SLC24A2: variants seen among roughly 807,000 people sequenced by gnomAD.
SLC24A2 encodes the protein solute carrier family 24 member 2, also known as sodium/potassium/calcium exchanger 2.
Under a neutral mutation model 62.0 loss-of-function variants are expected in SLC24A2, and 36 were observed. The observed-to-expected ratio is 0.58, with a 90% CI of 0.44 to 0.77. The LOEUF (loss-of-function observed/expected upper bound fraction) is 0.77. Ranked by LOEUF, SLC24A2 falls within the 30% of genes least tolerant of loss-of-function variation. SLC24A2 has a pLI of 0.00. For synonymous variants in SLC24A2, 358 were observed against 294.0 expected, an observed-to-expected ratio of 1.22 and a Z score of -2.23; for missense variants, 846 against 817.9, an observed-to-expected ratio of 1.03 and a Z score of -0.42.
chr9:20,280,602 G>A, the SLC24A2 span, among the ~76,000 whole-genome samples: 4 of 152,142 alleles, frequency 2.6e-5, no homozygotes, highest in Non-Finnish European at 2.9e-5. Context: ...TTATGGTTTC[G>A]TTTTTGTTTT....
At chr9:19,823,498 G>A in the SLC24A2 span, among the ~76,000 whole-genome samples, 2 of 152,058 alleles carry the variant, frequency 1.3e-5, no homozygotes, top group African/African-American at 2.4e-5. Flanking sequence ...GCATGGTGGT[G>A]CATGCCTGTA....
the SLC24A2 span, chr9:19,926,471 G>C: frequency 6.6e-6 from 1 of 152,182 alleles, no homozygotes; most frequent in Non-Finnish European, 1.5e-5. Flanking sequence ...GCTTCGCCCA[G>C]TTCTTTGCAA....
chr9:19,631,551 C>T (rs899931627), intron 2 of SLC24A2, among the ~76,000 whole-genome samples: 1 of 152,182 alleles, frequency 6.6e-6, no homozygotes, highest in East Asian at 1.9e-4. Context: ...TTACATATTA[C>T]ACATCTTTAT....
In SLC24A2 at chr9:19,764,320, C is replaced by A. The variant is rs11534168; in HGVS notation, c.930+21617G>T. On this transcript the variant is annotated intron_variant, in intron 2 of 10. Transcript: ENST00000341998. ...TTTTCTGTCTTTATCTTCTTCAGTT[C>A]TGCTCTGATCTTACTTCTACTGGCT... is the stretch of plus-strand genomic sequence containing the variant. Among the ~76,000 whole-genome samples the A allele has an allele frequency of 8.2e-3, 1,250 of 152,074 alleles. 23 individuals carry two copies. The highest frequency in any genetic ancestry group is 0.063 in the South Asian group (304 of 4,812).
At chr9:20,248,348 G>A in the SLC24A2 span, among the ~76,000 whole-genome samples, 1 of 152,316 alleles carries the variant, frequency 6.6e-6, no homozygotes, top group Admixed American at 6.5e-5. Context: ...TTTGGTTCGG[G>A]CTGCTATCAC....
At chr9:20,069,797 T>G in the SLC24A2 span, among the ~76,000 whole-genome samples, 1 of 152,236 alleles carries the variant, frequency 6.6e-6, no homozygotes, top group African/African-American at 2.4e-5. Flanking sequence ...TATTATTTTA[T>G]GTAACCAAAG....
rs558196459 is a variant in SLC24A2 at position 19,526,699 on chromosome 9, C to A, written c.1569+1350G>T. Among the ~76,000 whole-genome samples, 304 of 152,260 alleles carry A rather than the reference C, an allele frequency of 2.0e-3. 4 individuals are homozygous for A. Among genetic ancestry groups the A allele is most frequent in the South Asian group, 1.2e-3 (6 of 4,830 alleles). On this transcript the variant is annotated intron_variant, in intron 9 of 10. Transcript: ENST00000341998. ...TTCAAAATTAGGATACTTGAAGATGCTTGCCTTCCTATTATGGAGCTTTAA... is the reference window on the plus strand; with the variant it reads ...TTCAAAATTAGGATACTTGAAGATGATTGCCTTCCTATTATGGAGCTTTAA...
At chr9:19,820,062 T>C in the SLC24A2 span, among the ~76,000 whole-genome samples, 8 of 129,218 alleles carry the variant, frequency 6.2e-5, no homozygotes, top group East Asian at 2.1e-4. Context: ...TATACACATA[T>C]ATATATATAT....
chr9:19,585,322 T>A (rs1836341694), intron 5 of SLC24A2, among the ~76,000 whole-genome samples: 1 of 152,198 alleles, frequency 6.6e-6, no homozygotes, highest in Admixed American at 6.5e-5. Flanking sequence ...ATTGTTTCAA[T>A]CTTGACCACT....
At chr9:19,818,261 T>C in the SLC24A2 span, among the ~76,000 whole-genome samples, 1 of 152,110 alleles carries the variant, frequency 6.6e-6, no homozygotes, top group Non-Finnish European at 1.5e-5. Flanking sequence ...AGGTGCTTCA[T>C]GTTCTCACCA....
At chr9:19,643,219 G>A (rs1447494910) in intron 2 of SLC24A2, among the ~76,000 whole-genome samples, 1 of 151,896 alleles carries the variant, frequency 6.6e-6, no homozygotes. Flanking sequence ...ACTCATACCT[G>A]CATTTTACTA....
At chr9:19,659,401 C>T (rs924830116) in intron 2 of SLC24A2, among the ~76,000 whole-genome samples, 3 of 152,092 alleles carry the variant, frequency 2.0e-5, no homozygotes, top group African/African-American at 4.8e-5. Flanking sequence ...GTTATGGCAG[C>T]CCTGAGGAAC....
At chr9:19,904,348 C>T in the SLC24A2 span, among the ~76,000 whole-genome samples, 1 of 152,170 alleles carries the variant, frequency 6.6e-6, no homozygotes, top group Non-Finnish European at 1.5e-5. Flanking sequence ...CAAAATCACC[C>T]TCTGTAGCCA....
the SLC24A2 span, among the ~76,000 whole-genome samples, chr9:19,996,512 C>T: frequency 6.6e-5 from 10 of 151,822 alleles, no homozygotes; most frequent in Non-Finnish European, 1.5e-4. Flanking sequence ...GGCTGAGGTG[C>T]GTGGATCACC....
the SLC24A2 span, among the ~76,000 whole-genome samples, chr9:19,921,680 T>G: frequency 6.6e-6 from 1 of 152,148 alleles, no homozygotes; most frequent in Admixed American, 6.5e-5. Flanking sequence ...CTCACCTGAA[T>G]GCATTTCGGT....
chr9:20,098,546 G>A, the SLC24A2 span, among the ~76,000 whole-genome samples: 3 of 152,188 alleles, frequency 2.0e-5, no homozygotes, highest in Non-Finnish European at 4.4e-5. Context: ...CTGGCCTTAT[G>A]CTCCAAACAT....
At chr9:19,890,512 TG>T in the SLC24A2 span, among the ~76,000 whole-genome samples, 6 of 152,286 alleles carry the variant, frequency 3.9e-5, no homozygotes, top group South Asian at 6.2e-4. Flanking sequence ...ACAAGGTCTC[TG>T]GTTTTGTGTG....
At chr9:19,988,789 G>C in the SLC24A2 span, among the ~76,000 whole-genome samples, 2 of 152,166 alleles carry the variant, frequency 1.3e-5, no homozygotes, top group African/African-American at 4.8e-5. Context: ...ACCAAGATCA[G>C]AAGAACACTG....
the SLC24A2 span, among the ~76,000 whole-genome samples, chr9:20,116,991 C>T: frequency 6.6e-6 from 1 of 152,116 alleles, no homozygotes; most frequent in Non-Finnish European, 1.5e-5. Flanking sequence ...GATCTTTCCA[C>T]TCAACCCCCA....
Sources: gnomAD v4.1 joint callset for allele counts (sites outside exome capture counted in the v4.1 genomes callset) on GRCh38, gnomAD v4.1.1 for gene constraint, MANE v1.5 for transcripts, NCBI Gene and HGNC (gene_info 2026-07-23, HGNC 2026-07-21) for gene names.